ZC3H12B: variants seen among roughly 807,000 people sequenced by gnomAD.
ZC3H12B encodes the protein probable ribonuclease ZC3H12B.
A neutral mutation model predicts 43.9 loss-of-function variants in ZC3H12B; 7 were observed. That is an observed-to-expected ratio of 0.16 (90% CI 0.09 to 0.30). The LOEUF (loss-of-function observed/expected upper bound fraction) is 0.30. ZC3H12B is among the 10% of genes least tolerant of loss of function. The probability of loss-of-function intolerance (pLI) is 1.00; values close to 1 mark genes in which losing one functional copy is unlikely to be tolerated. For missense variants in ZC3H12B, 475 were observed against 670.2 expected (o/e 0.71, Z 3.22); for synonymous variants, 222 against 241.7 (o/e 0.92, Z 0.76).
At chrX:65,457,665 C>T (rs1269084426) in intron 3 of ZC3H12B, among the ~76,000 whole-genome samples, 1 of 72,771 alleles carries the variant, frequency 1.4e-5, no homozygotes, top group African/African-American at 1.6e-4. Flanking sequence ...CGGATGGTTG[C>T]CGGGTCTGTG....
chrX:65,249,699 T>C, the ZC3H12B span, among the ~76,000 whole-genome samples: 2 of 111,666 alleles, frequency 1.8e-5, no homozygotes, highest in African/African-American at 3.2e-5. Flanking sequence ...ATGGGATATG[T>C]TTCATTTCTT....
At chrX:65,040,730 A>G in the ZC3H12B span, among the ~76,000 whole-genome samples, 7 of 111,213 alleles carry the variant, frequency 6.3e-5, no homozygotes, top group African/African-American at 9.8e-5. Context: ...ATGTAAAGAG[A>G]TATTTCTAAA....
the ZC3H12B span, among the ~76,000 whole-genome samples, chrX:65,329,299 G>A: frequency 9.9e-5 from 11 of 111,456 alleles, no homozygotes; most frequent in African/African-American, 3.7e-4. Flanking sequence ...CTGATGGCCA[G>A]TGATGATGAG....
chrX:65,447,544 C>A (rs1379385229), intron 3 of ZC3H12B, among the ~76,000 whole-genome samples: 1 of 111,828 alleles, frequency 8.9e-6, no homozygotes, highest in Non-Finnish European at 1.9e-5. Flanking sequence ...GAAGTTATGA[C>A]TAAGACCCCA....
intron 3 of ZC3H12B, among the ~76,000 whole-genome samples, chrX:65,456,636 G>A (rs1168797457): frequency 1.9e-5 from 2 of 107,181 alleles, no homozygotes; most frequent in Admixed American, 2.0e-4. Context: ...TGGAGACGGG[G>A]TTTTGCTGTG....
chrX:65,279,839 A>G, the ZC3H12B span, among the ~76,000 whole-genome samples: 1 of 112,209 alleles, frequency 8.9e-6, no homozygotes, highest in South Asian at 3.7e-4. Context: ...AAGGTCTACT[A>G]TCCAGCATCT....
At chrX:65,305,071 A>G in the ZC3H12B span, among the ~76,000 whole-genome samples, 1 of 112,303 alleles carries the variant, frequency 8.9e-6, no homozygotes, top group African/African-American at 3.2e-5. Context: ...ATTATTTCTC[A>G]TTAAAGAAAT....
chrX:65,086,739 T>C, the ZC3H12B span, among the ~76,000 whole-genome samples: 15 of 112,302 alleles, frequency 1.3e-4, no homozygotes, highest in Non-Finnish European at 2.8e-4. Flanking sequence ...TCTTGGACTT[T>C]CCTGTCTCCA....
the ZC3H12B span, among the ~76,000 whole-genome samples, chrX:65,175,848 G>A: frequency 8.9e-6 from 1 of 112,061 alleles, no homozygotes; most frequent in African/African-American, 3.2e-5. Flanking sequence ...GAGAGACGCT[G>A]CATTCCAGTG....
upstream of ZC3H12B, among the ~76,000 whole-genome samples, chrX:65,484,387 G>A (rs994145005): frequency 5.3e-5 from 6 of 112,201 alleles, no homozygotes; most frequent in Admixed American, 9.5e-5. Flanking sequence ...TCTACAAACA[G>A]TGGTCCAGTT....
the ZC3H12B span, among the ~76,000 whole-genome samples, chrX:65,244,971 T>C: frequency 1.8e-5 from 2 of 110,992 alleles, no homozygotes; most frequent in Non-Finnish European, 3.8e-5. Flanking sequence ...CTTTTATCTC[T>C]TTCCTATTGG....
intron 3 of ZC3H12B, among the ~76,000 whole-genome samples, chrX:65,434,862 G>C (rs1371527899): frequency 9.0e-6 from 1 of 111,039 alleles, no homozygotes; most frequent in African/African-American, 3.3e-5. Flanking sequence ...AGGCAGAGGT[G>C]GTAAGGCCAA....
chrX:65,074,611 T>C, the ZC3H12B span, among the ~76,000 whole-genome samples: 1 of 112,084 alleles, frequency 8.9e-6, no homozygotes, highest in African/African-American at 3.2e-5. Context: ...GTATATTGAT[T>C]CACTTGATTG....
chrX:65,489,122 A>T, exon 1 of ZC3H12B: 1 of 1,211,932 alleles, frequency 8.3e-7, no homozygotes, highest in Non-Finnish European at 1.1e-6. Flanking sequence ...TGGAGAAGGA[A>T]TACCAAGCTA....
the ZC3H12B span, among the ~76,000 whole-genome samples, chrX:65,171,334 C>G: frequency 9.0e-6 from 1 of 111,279 alleles, no homozygotes; most frequent in Non-Finnish European, 1.9e-5. Flanking sequence ...CTGGGTATCA[C>G]CAGCAGAGGC....
At chrX:65,461,811 C>T (rs1333552656) in intron 3 of ZC3H12B, among the ~76,000 whole-genome samples, 1 of 109,929 alleles carries the variant, frequency 9.1e-6, no homozygotes, top group Non-Finnish European at 1.9e-5. Flanking sequence ...ATGTAACAAA[C>T]CTGCACGTTG....
chrX:65,153,667 TGTG>T, the ZC3H12B span, among the ~76,000 whole-genome samples: 24 of 112,350 alleles, frequency 2.1e-4, no homozygotes, highest in Admixed American at 5.7e-4. Context: ...TGGAAGTCAA[TGTG>T]GTGATTCCTC....
intron 3 of ZC3H12B, among the ~76,000 whole-genome samples, chrX:65,475,035 T>TATTCTTTG: frequency 8.9e-6 from 1 of 112,480 alleles, no homozygotes; most frequent in South Asian, 3.6e-4. Flanking sequence ...ATTCTAGTTT[T>TATTCTTTG]ATTCTTTGAT....
chrX:65,333,122 G>T, the ZC3H12B span, among the ~76,000 whole-genome samples: 1 of 111,345 alleles, frequency 9.0e-6, no homozygotes, highest in Non-Finnish European at 1.9e-5. Flanking sequence ...TCCTGGGCCT[G>T]TCAGAAAGTG....
Sources: allele counts gnomAD v4.1 joint callset (sites outside exome capture counted in the v4.1 genomes callset), GRCh38; gene constraint gnomAD v4.1.1; transcripts MANE v1.5; gene names NCBI Gene and HGNC (gene_info 2026-07-23, HGNC 2026-07-21).